Variants in ACAP2 observed in about 807,000 individuals in gnomAD.
The protein encoded by ACAP2 is ArfGAP with coiled-coil, ankyrin repeat and PH domains 2.
ACAP2 carries 39 observed loss-of-function variants against 115.8 expected under a neutral mutation model. The ratio of observed to expected loss-of-function variants is 0.34; its 90% CI spans 0.26 to 0.44. The LOEUF (loss-of-function observed/expected upper bound fraction) is 0.44, where lower values mean the gene tolerates loss of function less well. Ranked by LOEUF, ACAP2 falls within the 20% of genes least tolerant of loss-of-function variation. The pLI is 1.00. For synonymous variants in ACAP2, 289 were observed against 315.8 expected (o/e 0.92, Z 0.90); for missense variants, 662 against 927.6 (o/e 0.71, Z 3.72).
intron 9 of ACAP2, 107 bp from the exon 10 acceptor site, chr3:195,320,920 G>T: frequency 3.1e-6 from 2 of 643,574 alleles, no homozygotes. Flanking sequence ...TTTATATTAA[G>T]ACAGTTACAA....
intron 21 of ACAP2, among the ~76,000 whole-genome samples, chr3:195,287,962 G>C (rs1012517101): frequency 2.0e-5 from 3 of 152,050 alleles, no homozygotes; most frequent in Admixed American, 2.0e-4. Context: ...TTAGCCAGGC[G>C]TGGTGGCGCA....
At chr3:195,419,992 T>C (rs75046490) in intron 1 of ACAP2, among the ~76,000 whole-genome samples, 1 of 152,348 alleles carries the variant, frequency 6.6e-6, no homozygotes, top group African/African-American at 2.4e-5. Flanking sequence ...TCTTGCATGT[T>C]TGTTCTTTTA....
intron 1 of ACAP2, among the ~76,000 whole-genome samples, chr3:195,396,812 A>AAAAAAAAG (rs1711827152): frequency 1.3e-5 from 2 of 149,784 alleles, no homozygotes; most frequent in East Asian, 1.9e-4. Context: ...AAAAAAAAAA[A>AAAAAAAAG]AAGAAGAAGT....
At chr3:195,370,811 G>T (rs1351988831) in intron 4 of ACAP2, among the ~76,000 whole-genome samples, 1 of 152,104 alleles carries the variant, frequency 6.6e-6, no homozygotes. Context: ...AATTAGCCAG[G>T]TATGGTGGTG....
intron 13 of ACAP2, among the ~76,000 whole-genome samples, chr3:195,302,541 C>T (rs544005678): frequency 6.6e-6 from 1 of 151,898 alleles, no homozygotes; most frequent in South Asian, 2.1e-4. Context: ...TTGTTTTATA[C>T]CACACTTTTC....
At chr3:195,362,849 T>C (rs73208906) in intron 4 of ACAP2, among the ~76,000 whole-genome samples, 11,038 of 152,238 alleles carry the variant, frequency 0.073, 510 homozygotes, top group East Asian at 0.19. Context: ...AGAGCTTGTA[T>C]AATAGTGAAT....
chr3:195,326,986 C>T (rs1256402627), intron 8 of ACAP2, 27 bp from the exon 9 acceptor site: 25 of 1,593,212 alleles, frequency 1.6e-5, no homozygotes, highest in Non-Finnish European at 2.1e-5. Flanking sequence ...GAGAAAACTG[C>T]AGACTTAAAA....
At chr3:195,356,705 C>T (rs1309082041) in intron 4 of ACAP2, among the ~76,000 whole-genome samples, 1 of 151,970 alleles carries the variant, frequency 6.6e-6, no homozygotes, top group East Asian at 1.9e-4. Context: ...GCTCTAACTC[C>T]CGGGTGATAT....
intron 4 of ACAP2, among the ~76,000 whole-genome samples, chr3:195,366,651 A>T (rs1482275175): frequency 6.6e-6 from 1 of 152,226 alleles, no homozygotes; most frequent in African/African-American, 2.4e-5. Context: ...GACTAGAATG[A>T]CATGGGGAGC....
At chr3:195,327,328 C>T (rs1485769760) in intron 8 of ACAP2, among the ~76,000 whole-genome samples, 3 of 152,092 alleles carry the variant, frequency 2.0e-5, no homozygotes, top group African/African-American at 4.8e-5. Flanking sequence ...ATCAAAGACA[C>T]GAAGAAGACA....
At chr3:195,347,235 A>G (rs192415004) in intron 4 of ACAP2, among the ~76,000 whole-genome samples, 6 of 152,336 alleles carry the variant, frequency 3.9e-5, no homozygotes, top group Admixed American at 3.9e-4. Context: ...AAGGACAGAG[A>G]AACATAAAAC....
At chr3:195,369,733 C>A (rs190163482) in intron 4 of ACAP2, among the ~76,000 whole-genome samples, 5 of 152,298 alleles carry the variant, frequency 3.3e-5, no homozygotes, top group African/African-American at 7.2e-5. Context: ...GTGCATGTGT[C>A]TCTATGGTAG....
intron 2 of ACAP2, among the ~76,000 whole-genome samples, chr3:195,391,864 G>A (rs1295496032): frequency 6.6e-6 from 1 of 151,956 alleles, no homozygotes; most frequent in East Asian, 1.9e-4. Flanking sequence ...GCATGGTGGT[G>A]CACGCCTGTA....
At chr3:195,426,338 G>A (rs1243411435) in intron 1 of ACAP2, among the ~76,000 whole-genome samples, 2 of 152,132 alleles carry the variant, frequency 1.3e-5, no homozygotes, top group Admixed American at 6.6e-5. Flanking sequence ...TGGGTTTCCA[G>A]GTGGAGATGA....
chr3:195,378,231 G>A (rs759347700), intron 4 of ACAP2, among the ~76,000 whole-genome samples: 4 of 152,196 alleles, frequency 2.6e-5, no homozygotes, highest in East Asian at 3.9e-4. Context: ...AGTGGCTGAC[G>A]CCTGTAATCC....
chr3:195,304,705 A>G (rs1258703713), intron 13 of ACAP2, among the ~76,000 whole-genome samples: 3 of 152,216 alleles, frequency 2.0e-5, no homozygotes, highest in Non-Finnish European at 4.4e-5. Flanking sequence ...AATCCCTCAT[A>G]GCTATGCAGG....
chr3:195,349,095 G>C (rs1010935309), intron 4 of ACAP2, among the ~76,000 whole-genome samples: 5 of 152,032 alleles, frequency 3.3e-5, no homozygotes, highest in Admixed American at 2.0e-4. Context: ...AAATTAATAA[G>C]TGAGTTTAAG....
intron 1 of ACAP2, among the ~76,000 whole-genome samples, chr3:195,405,902 A>G (rs1712731761): frequency 6.6e-6 from 1 of 152,142 alleles, no homozygotes; most frequent in Admixed American, 6.5e-5. Flanking sequence ...TTAAACAAAC[A>G]GATCTTGTGA....
At chr3:195,366,950 TA>T (rs1473674269) in intron 4 of ACAP2, among the ~76,000 whole-genome samples, 1 of 150,050 alleles carries the variant, frequency 6.7e-6, no homozygotes, top group Non-Finnish European at 1.5e-5. Flanking sequence ...TCTATCACAC[TA>T]CTCAACCCTG....
Sources: gnomAD v4.1 joint callset for allele counts (sites outside exome capture counted in the v4.1 genomes callset) on GRCh38, gnomAD v4.1.1 for gene constraint, MANE v1.5 for transcripts, NCBI Gene and HGNC (gene_info 2026-07-23, HGNC 2026-07-21) for gene names.